CELA2B: variants seen among roughly 807,000 people sequenced by gnomAD.
CELA2B encodes chymotrypsin like elastase 2B.
Under a neutral mutation model 36.5 loss-of-function variants are expected in CELA2B, and 27 were observed. The observed-to-expected ratio is 0.74, with a 90% CI of 0.55 to 1.02. The LOEUF is 1.02. Among genes scored for constraint, CELA2B ranks in the 50% least tolerant of loss-of-function variants. The pLI, the probability that CELA2B is intolerant of heterozygous loss-of-function variation, is 0.00. For missense variants in CELA2B, 340 were observed against 347.8 expected, an observed-to-expected ratio of 0.98 and a Z score of 0.18; for synonymous variants, 143 against 148.5, an observed-to-expected ratio of 0.96 and a Z score of 0.27.
At chr1:15,478,903 C>T (rs1708705925) in intron 2 of CELA2B, among the ~76,000 whole-genome samples, 1 of 152,060 alleles carries the variant, frequency 6.6e-6, no homozygotes, top group African/African-American at 2.4e-5. Context: ...ACCCTGAGAG[C>T]CCTGCACCGT....
chr1:15,476,990 G>T (rs75161453), intron 2 of CELA2B, among the ~76,000 whole-genome samples: 5,901 of 152,056 alleles, frequency 0.039, 164 homozygotes, highest in African/African-American at 0.08. Context: ...TCAAAAAAAA[G>T]AAAAAGATAC....
chr1:15,483,490 C>T (rs1172527850), intron 5 of CELA2B, 90 bp downstream of exon 5: 68 of 1,584,752 alleles, frequency 4.3e-5, no homozygotes, highest in Non-Finnish European at 5.8e-5. Context: ...CACATGTTAT[C>T]CTGGGCATGT....
chr1:15,485,613 G>A (rs1422104947), intron 5 of CELA2B, among the ~76,000 whole-genome samples: 1 of 152,190 alleles, frequency 6.6e-6, no homozygotes, highest in African/African-American at 2.4e-5. Flanking sequence ...ATTGACAACA[G>A]CTTCCAAGAT....
Position 15,487,285 on chromosome 1 carries a change from G to T in CELA2B, c.640G>T (p.Gly214Ter). The part of the protein sequence containing the change: ...GGDGVICTCN[G>*]DSGGPLNCQA... ...TCCCTATAACTCTGGCCTTCCTCAGGGAGACTCCGGTGGGCCGCTGAACTG... is the reference window on the plus strand; with the variant it reads ...TCCCTATAACTCTGGCCTTCCTCAGTGAGACTCCGGTGGGCCGCTGAACTG... The change falls in exon 7 of 8, where the codon GGA (glycine) becomes TGA (stop). Residue 214 changes from glycine (G) to a stop codon, truncating the protein, a stop_gained and splice_region_variant. Transcript: ENST00000375910. LOFTEE classifies it high-confidence loss of function. 6.2e-7 allele frequency: 1 copy of T among 1,614,122 alleles called. No homozygotes were observed. The highest frequency in any genetic ancestry group is 1.1e-5 in the South Asian group (1 of 91,084).
At chr1:15,483,145 C>T (rs1434683589) in intron 4 of CELA2B, 119 bp from the exon 5 acceptor site, 106 of 1,486,076 alleles carry the variant, frequency 7.1e-5, no homozygotes, top group Non-Finnish European at 8.9e-5. Context: ...TGGGCCCTGC[C>T]GGTCAGAGCA....
At position 15,486,066 on chromosome 1, in the gene CELA2B, G is replaced by GCAT; in HGVS notation, c.639+20_639+21insCAT. 1 of 1,606,564 alleles carries GCAT rather than the reference G, an allele frequency of 6.2e-7. No individual in the cohort carries two copies. Among genetic ancestry groups the GCAT allele is most frequent in the Non-Finnish European group, 8.5e-7 (1 of 1,174,002 alleles). ...TGCAACGTGAGTACCAAAAATCAGGGGCCCCGCTCCATGACAAAATGTGGC... is the reference window on the plus strand; with the variant it reads ...TGCAACGTGAGTACCAAAAATCAGGGCATGCCCCGCTCCATGACAAAATGTGGC... On this transcript the variant is annotated intron_variant, in intron 6 of 7. Transcript: ENST00000375910.
intron 2 of CELA2B, among the ~76,000 whole-genome samples, chr1:15,478,842 C>T (rs1285940281): frequency 6.6e-6 from 1 of 152,132 alleles, no homozygotes; most frequent in Non-Finnish European, 1.5e-5. Context: ...GCTGAGCTTA[C>T]AGGTGTGAGC....
chr1:15,491,040 C>T (rs1228266192), intron 7 of CELA2B: 5 of 520,236 alleles, frequency 9.6e-6, no homozygotes, highest in Non-Finnish European at 3.5e-6. Flanking sequence ...TTCGAAGGCC[C>T]CCTGACCTGA....
chr1:15,482,418 G>A, intron 4 of CELA2B, 25 bp downstream of exon 4: 3 of 1,613,560 alleles, frequency 1.9e-6, no homozygotes, highest in Non-Finnish European at 2.5e-6. Context: ...GGGTGCACTT[G>A]GGGGTGAGGT....
Position 15,482,277 on chromosome 1 carries a change from C to T in CELA2B, c.240C>T (p.Ile80=), listed in dbSNP as rs150116668. 2.0e-5 allele frequency: 33 copies of T among 1,613,990 alleles called. No homozygotes were observed. The African/African-American group carries it at 3.6e-4, about 18-fold the overall frequency. ...CCCTTTCTCCCAGCTCCTCCGGGAT[C>T]TACCGCGTGATGCTGGGCCAGCATA... ...TAAHCISSSG[I]YRVMLGQHNL... The change falls in exon 4 of 8, where the codon ATC becomes ATT. Residue 80 remains isoleucine (I), a synonymous_variant. Coordinates refer to ENST00000375910, the MANE Select transcript of CELA2B (RefSeq NM_015849.3).
chr1:15,484,945 T>G (rs1272734972), intron 5 of CELA2B, among the ~76,000 whole-genome samples: 1 of 152,022 alleles, frequency 6.6e-6, no homozygotes, highest in Non-Finnish European at 1.5e-5. Flanking sequence ...TCGCCCAGGC[T>G]GGAGTGCAGT....
Position 15,485,991 on chromosome 1 carries a change from C to A in CELA2B, c.584C>A (p.Thr195Asn). 5.0e-6 allele frequency: 8 copies of A among 1,614,174 alleles called. No individual in the cohort carries two copies. The highest frequency in any genetic ancestry group is 6.8e-6 in the Non-Finnish European group (8 of 1,180,046). ...TCCAGCTCTGGCTGGTGGGGCAGCA[C>A]CGTGAAGACGAATATGATCTGTGCT... ...TCSSSGWWGS[T>N]VKTNMICAGG... The change falls in exon 6 of 8, where the codon ACC becomes AAC. Residue 195 changes from threonine (T) to asparagine (N), a missense_variant. Transcript: ENST00000375910.
At chr1:15,483,670 G>A (rs908935621) in intron 5 of CELA2B, among the ~76,000 whole-genome samples, 4 of 152,222 alleles carry the variant, frequency 2.6e-5, no homozygotes, top group Non-Finnish European at 4.4e-5. Flanking sequence ...GCTCACGCCT[G>A]TAATCCCGGC....
intron 2 of CELA2B, among the ~76,000 whole-genome samples, chr1:15,480,598 G>T (rs1708728602): frequency 6.6e-6 from 1 of 152,068 alleles, no homozygotes; most frequent in South Asian, 2.1e-4. Context: ...CAAGCAAAAG[G>T]GGGAAAGGCC....
At chr1:15,485,326 C>T in intron 5 of CELA2B, among the ~76,000 whole-genome samples, 1 of 152,160 alleles carries the variant, frequency 6.6e-6, no homozygotes. Flanking sequence ...GAAAGCCCTC[C>T]CTTCACCACA....
rs543209035 is a variant in CELA2B at position 15,486,137 on chromosome 1, T to C, written c.639+91T>C. 41 of 1,483,062 alleles carry C rather than the reference T, an allele frequency of 2.8e-5. No individual in the cohort carries two copies. The South Asian group carries it at 5.3e-4, about 19-fold the overall frequency. The allele number at this position is 1,483,062 out of a possible 1,614,324, so 91.9% of individuals were successfully genotyped here. A position where few individuals can be genotyped will look rare whatever the true frequency, so the allele number is the denominator to read the frequency against. Reference sequence around the variant, plus strand: ...GGAAAACCATCCCTCCATAGGTCCATCCTCCGACCTCCTGGCAGAAGCACC... The same window carrying C: ...GGAAAACCATCCCTCCATAGGTCCACCCTCCGACCTCCTGGCAGAAGCACC... On this transcript the variant is annotated intron_variant, in intron 6 of 7. Coordinates refer to ENST00000375910, the MANE Select transcript of CELA2B (RefSeq NM_015849.3).
At chr1:15,491,159 G>A in intron 7 of CELA2B, 136 bp from the exon 8 acceptor site, 2 of 928,906 alleles carry the variant, frequency 2.2e-6, no homozygotes, top group Non-Finnish European at 3.6e-6. Flanking sequence ...GAACTCCTCA[G>A]GCAGGAGCTA....
chr1:15,486,643 A>G (rs1178445834), intron 6 of CELA2B, among the ~76,000 whole-genome samples: 2 of 152,198 alleles, frequency 1.3e-5, no homozygotes, highest in African/African-American at 2.4e-5. Flanking sequence ...AACCAAAGGA[A>G]AGTATTCCCT....
In CELA2B at chr1:15,485,960, A is replaced by G. The variant is rs1254384652; in HGVS notation, c.553A>G (p.Thr185Ala). Reference protein sequence around the residue: ...QGQLLVVDYATCSSSGWWGST... With the variant: ...QGQLLVVDYAACSSSGWWGST... Reference sequence around the variant, plus strand: ...CCAGTTGCTGGTTGTGGACTATGCCACCTGCTCCAGCTCTGGCTGGTGGGG... The same window carrying G: ...CCAGTTGCTGGTTGTGGACTATGCCGCCTGCTCCAGCTCTGGCTGGTGGGG... The change falls in exon 6 of 8, where the codon ACC (threonine) becomes GCC (alanine). Residue 185 changes from threonine (T) to alanine (A), a missense_variant. By Grantham distance (58) the Thr-to-Ala change is moderately conservative. Transcript: ENST00000375910. 1.2e-6 allele frequency: 2 copies of G among 1,614,044 alleles called. No individual in the cohort carries two copies. The highest frequency in any genetic ancestry group is 1.6e-4 in the Middle Eastern group (1 of 6,084).
Sources: gnomAD v4.1 joint callset for allele counts (sites outside exome capture counted in the v4.1 genomes callset) on GRCh38, gnomAD v4.1.1 for gene constraint, MANE v1.5 for transcripts, NCBI Gene and HGNC (gene_info 2026-07-23, HGNC 2026-07-21) for gene names.